The following RBPJ variants were observed in gnomAD, a reference collection of about 807,000 sequenced individuals.
RBPJ encodes the protein recombining binding protein suppressor of hairless.
Under a neutral mutation model 67.8 loss-of-function variants are expected in RBPJ, and 9 were observed. The ratio of observed to expected loss-of-function variants is 0.13; its 90% CI spans 0.08 to 0.23. RBPJ has a LOEUF of 0.23. Ranked by LOEUF, RBPJ falls within the 10% of genes least tolerant of loss-of-function variation. The pLI is 1.00. For synonymous variants in RBPJ, 198 were observed against 203.3 expected (o/e 0.97, Z 0.22); for missense variants, 305 against 595.6 (o/e 0.51, Z 5.08).
chr4:26,413,496 G>T (rs974104342), intron 3 of RBPJ, among the ~76,000 whole-genome samples: 1 of 151,762 alleles, frequency 6.6e-6, no homozygotes, highest in African/African-American at 2.4e-5. Flanking sequence ...TAATTTTTTT[G>T]TTTATTTTTA....
intron 1 of RBPJ, among the ~76,000 whole-genome samples, chr4:26,228,644 T>C (rs1719162873): frequency 1.3e-5 from 2 of 152,240 alleles, no homozygotes; most frequent in Admixed American, 1.3e-4. Flanking sequence ...AACGTGTTAC[T>C]AGTCAACAAA....
intron 1 of RBPJ, among the ~76,000 whole-genome samples, chr4:26,255,637 C>T (rs1179316112): frequency 6.7e-6 from 1 of 150,096 alleles, no homozygotes; most frequent in East Asian, 2.0e-4. Flanking sequence ...CCCGTCTCTA[C>T]TAAAAATACA....
At chr4:26,398,709 G>A (rs748297854) in intron 2 of RBPJ, among the ~76,000 whole-genome samples, 49 of 152,132 alleles carry the variant, frequency 3.2e-4, no homozygotes, top group Non-Finnish European at 6.0e-4. Context: ...TGCCTTCCAC[G>A]TTCAAGTGCT....
chr4:26,379,408 A>G (rs1194007471), intron 1 of RBPJ, among the ~76,000 whole-genome samples: 2 of 152,174 alleles, frequency 1.3e-5, no homozygotes, highest in Non-Finnish European at 1.5e-5. Context: ...TGAATAATGT[A>G]TAAAGAAAAG....
chr4:26,385,774 C>CTT (rs566748262), intron 1 of RBPJ, among the ~76,000 whole-genome samples: 1 of 149,092 alleles, frequency 6.7e-6, no homozygotes, highest in African/African-American at 2.5e-5. Context: ...TTTTTCTTTT[C>CTT]TTTTTTTTTA....
upstream of RBPJ, among the ~76,000 whole-genome samples, chr4:26,158,945 T>TTC (rs5856933): frequency 0.05 from 6,791 of 136,690 alleles, 289 homozygotes; most frequent in African/African-American, 0.1. Flanking sequence ...CTCTCTCTCT[T>TTC]TCTCTCTCTC....
At chr4:26,322,369 T>C (rs1723178172) in intron 1 of RBPJ, 3 of 152,230 alleles carry the variant, frequency 2.0e-5, no homozygotes, top group Non-Finnish European at 1.5e-5. Context: ...CAGCATTTTC[T>C]AGAAATCTGG....
chr4:26,318,639 G>GTTTATTTA (rs34245556), upstream of RBPJ, among the ~76,000 whole-genome samples: 6 of 152,124 alleles, frequency 3.9e-5, no homozygotes, highest in Non-Finnish European at 7.4e-5. Flanking sequence ...GCGCAGAGCT[G>GTTTATTTA]TTTATTTATT....
intron 1 of RBPJ, among the ~76,000 whole-genome samples, chr4:26,380,821 T>C (rs567925412): frequency 1.3e-5 from 2 of 152,120 alleles, no homozygotes; most frequent in African/African-American, 4.8e-5. Flanking sequence ...TTATTTAATT[T>C]TAATCCCATT....
chr4:26,308,215 G>A (rs1268395006), intron 1 of RBPJ, among the ~76,000 whole-genome samples: 1 of 152,154 alleles, frequency 6.6e-6, no homozygotes, highest in African/African-American at 2.4e-5. Flanking sequence ...GGCGGAGCTT[G>A]CAGTGAGCCG....
intron 1 of RBPJ, among the ~76,000 whole-genome samples, chr4:26,331,087 G>C (rs969297524): frequency 3.9e-5 from 6 of 152,270 alleles, no homozygotes; most frequent in Admixed American, 3.3e-4. Context: ...TTTGTTTTAG[G>C]GGGAGGGGAA....
At chr4:26,185,736 A>G (rs866185802) in intron 1 of RBPJ, among the ~76,000 whole-genome samples, 1 of 152,168 alleles carries the variant, frequency 6.6e-6, no homozygotes, top group African/African-American at 2.4e-5. Flanking sequence ...AATCTAGTCT[A>G]TTTGTAAGCC....
intron 1 of RBPJ, among the ~76,000 whole-genome samples, chr4:26,327,542 G>GTTTTTTTTT (rs11350013): frequency 9.1e-4 from 95 of 104,882 alleles, no homozygotes; most frequent in African/African-American, 1.0e-3. Flanking sequence ...GACCCTGGAG[G>GTTTTTTTTT]TTTTTTTTTT....
At chr4:26,279,175 T>G (rs1470946210) in intron 1 of RBPJ, among the ~76,000 whole-genome samples, 3 of 152,218 alleles carry the variant, frequency 2.0e-5, no homozygotes, top group Non-Finnish European at 4.4e-5. Context: ...GGTGGTAGTT[T>G]CAAATGAATA....
intron 1 of RBPJ, among the ~76,000 whole-genome samples, chr4:26,367,296 A>G (rs1309099289): frequency 6.6e-6 from 1 of 152,034 alleles, no homozygotes; most frequent in African/African-American, 2.4e-5. Flanking sequence ...CAGCCTGGCC[A>G]ACATGGGAAA....
intron 1 of RBPJ, among the ~76,000 whole-genome samples, chr4:26,237,087 GC>G (rs1450498554): frequency 6.6e-6 from 1 of 152,172 alleles, no homozygotes; most frequent in Non-Finnish European, 1.5e-5. Context: ...ACATCTGGGT[GC>G]CGGGCTCCTG....
At chr4:26,199,914 G>A (rs909506534) in intron 1 of RBPJ, among the ~76,000 whole-genome samples, 2 of 152,166 alleles carry the variant, frequency 1.3e-5, no homozygotes, top group African/African-American at 2.4e-5. Flanking sequence ...CCGTTCAGTC[G>A]AGGTGATGCT....
upstream of RBPJ, among the ~76,000 whole-genome samples, chr4:26,159,428 A>G (rs1338495099): frequency 6.6e-6 from 1 of 152,188 alleles, no homozygotes; most frequent in South Asian, 2.1e-4. Flanking sequence ...ATTAACAATG[A>G]TTAGAAATGA....
In RBPJ at chr4:26,191,247, AGAGAGAGAGG is replaced by A. The variant is rs1560204250; in HGVS notation, c.-167+27641_-167+27650del. Among the ~76,000 whole-genome samples, 424 of 130,470 alleles carry A rather than the reference AGAGAGAGAGG, an allele frequency of 3.2e-3. 4 individuals carry two copies. Among genetic ancestry groups the A allele is most frequent in the African/African-American group, 0.012 (397 of 33,290 alleles). The allele number at this position is 130,470 out of a possible 152,430, so 85.6% of individuals were successfully genotyped here. Reference sequence around the variant, plus strand: ...GAGAGAGAGAGAGAGAGAGATAGAGAGAGAGAGAGGGAGAGAGGGAGAGAGAGATCGTATC... The same window carrying A: ...GAGAGAGAGAGAGAGAGAGATAGAGAGAGAGAGGGAGAGAGAGATCGTATC... On this transcript the variant is annotated intron_variant, in intron 1 of 4. Transcript: ENST00000512351.
Sources: gnomAD v4.1 joint callset for allele counts (sites outside exome capture counted in the v4.1 genomes callset) on GRCh38, gnomAD v4.1.1 for gene constraint, MANE v1.5 for transcripts, NCBI Gene and HGNC (gene_info 2026-07-23, HGNC 2026-07-21) for gene names.